HIVEP3: variants seen among roughly 807,000 people sequenced by gnomAD.
HIVEP3 encodes HIVEP zinc finger 3, also known as transcription factor HIVEP3.
Under a neutral mutation model 152.8 loss-of-function variants are expected in HIVEP3, and 49 were observed. That is an observed-to-expected ratio of 0.32 (90% confidence interval 0.26 to 0.41). The LOEUF (loss-of-function observed/expected upper bound fraction) is 0.41. Among genes scored for constraint, HIVEP3 ranks in the 10% least tolerant of loss-of-function variants. The probability of loss-of-function intolerance (pLI) is 1.00; values close to 1 mark genes in which losing one functional copy is unlikely to be tolerated. For missense variants in HIVEP3, 2,790 were observed against 3,103.3 expected (o/e 0.90, Z 2.40); for synonymous variants, 1,269 against 1,289.0 (o/e 0.98, Z 0.33).
At chr1:41,812,578 G>A (rs774258172) in intron 1 of HIVEP3, among the ~76,000 whole-genome samples, 3 of 152,122 alleles carry the variant, frequency 2.0e-5, no homozygotes, top group Non-Finnish European at 4.4e-5. Flanking sequence ...GGAATGACTG[G>A]GCCACATCTG....
In HIVEP3 at chr1:41,662,925, A is replaced by G. The variant is rs1169759190; in HGVS notation, c.-720-33978T>C. Among the ~76,000 whole-genome samples the G allele has an allele frequency of 1.3e-5, 2 of 149,928 alleles. No homozygotes were observed. The highest frequency in any genetic ancestry group is 3.0e-5 in the Non-Finnish European group (2 of 67,344). ...GGCTCCGGGAAGCCCGCGCCTCCCC[A>G]GGCGGGAATCCGCTTTAATGAGCTC... On this transcript the variant is annotated intron_variant, in intron 2 of 8. Transcript: ENST00000372583. The surrounding 1 kb of genome is among the most constrained non-coding windows in gnomAD (Gnocchi z 7.2).
chr1:41,509,840 A>C lies in HIVEP3; in HGVS notation c.*611T>G, dbSNP rs1338347237. 6.6e-6 allele frequency: 1 copy of C among 151,190 alleles called. No homozygotes were observed. The highest frequency in any genetic ancestry group is 1.5e-5 in the Non-Finnish European group (1 of 67,816). The allele number at this position is 151,190 out of a possible 1,614,324, so 9.4% of individuals were successfully genotyped here. On this transcript the variant is annotated 3_prime_UTR_variant, in exon 9 of 9. Transcript: ENST00000372583. ...TTTCTTGCAAAAAAAAAAAAAAAAA[A>C]AAAAAAGGAAAAGATTAGTTTTTCT...
intron 1 of HIVEP3, among the ~76,000 whole-genome samples, chr1:41,764,706 C>CA (rs1236399320): frequency 6.6e-6 from 1 of 152,188 alleles, no homozygotes; most frequent in Non-Finnish European, 1.5e-5. Context: ...GGCATCATGC[C>CA]AGGCACTGGG....
chr1:41,584,291 G>A lies in HIVEP3; in HGVS notation c.507C>T (p.Ser169=), dbSNP rs749579508. ...CTTCTGTGGGCTTCAAGGAGACCTGGGAAGGACGAGGCACGAAGACTTTGG... is the reference window on the plus strand; with the variant it reads ...CTTCTGTGGGCTTCAAGGAGACCTGAGAAGGACGAGGCACGAAGACTTTGG... ...GVPKVFVPRP[S]QVSLKPTEEA... The change falls in exon 4 of 9, where the codon TCC becomes TCT. Residue 169 remains serine (S), a synonymous_variant. Transcript: ENST00000372583. The surrounding 1 kb of genome is among the most constrained non-coding windows in gnomAD (Gnocchi z 5.2). 2 of 1,613,806 alleles carry A rather than the reference G, an allele frequency of 1.2e-6. No homozygotes were observed. Among genetic ancestry groups the A allele is most frequent in the South Asian group, 1.1e-5 (1 of 91,028 alleles).
intron 1 of HIVEP3, among the ~76,000 whole-genome samples, chr1:41,917,463 T>C (rs2124471712): frequency 6.6e-6 from 1 of 152,232 alleles, no homozygotes; most frequent in Non-Finnish European, 1.5e-5. Context: ...AGCGACCAGA[T>C]CTGCAGACCC....
In HIVEP3 at chr1:41,616,569, C is replaced by CTT. The variant is rs35360287; in HGVS notation, c.-522+12178_-522+12179dup. On this transcript the variant is annotated intron_variant, in intron 3 of 8. Transcript: ENST00000372583. The stretch of plus-strand genomic sequence containing the variant: ...TCACTGCCTGAGGCAATAGCAATTA[C>CTT]TTTTTTTTTTTTTTTCAAACAGGGT... Among the ~76,000 whole-genome samples, 689 of 127,698 alleles carry CTT rather than the reference C, an allele frequency of 5.4e-3. 9 individuals are homozygous for CTT. The highest frequency in any genetic ancestry group is 0.033 in the Middle Eastern group (8 of 244). The allele number at this position is 127,698 out of a possible 152,430, so 83.8% of individuals were successfully genotyped here. A position where few individuals can be genotyped will look rare whatever the true frequency, so the allele number is the denominator to read the frequency against.
At chr1:41,607,949 G>A (rs1644844964) in intron 3 of HIVEP3, among the ~76,000 whole-genome samples, 1 of 152,152 alleles carries the variant, frequency 6.6e-6, no homozygotes, top group Non-Finnish European at 1.5e-5. Context: ...TAAAGGGGAG[G>A]GCAGAGCTGG....
intron 3 of HIVEP3, among the ~76,000 whole-genome samples, chr1:41,617,650 T>A (rs1282922038): frequency 6.6e-6 from 1 of 152,206 alleles, no homozygotes; most frequent in Non-Finnish European, 1.5e-5. Flanking sequence ...ACAGGAGATA[T>A]CAACAGTGTT....
chr1:41,673,338 A>G (rs143124858), intron 2 of HIVEP3, among the ~76,000 whole-genome samples: 111 of 152,376 alleles, frequency 7.3e-4, no homozygotes, highest in African/African-American at 2.6e-3. Flanking sequence ...TAAGTACTTT[A>G]TAGAGAAGAT....
intron 1 of HIVEP3, among the ~76,000 whole-genome samples, chr1:41,706,327 T>C (rs550953399): frequency 3.9e-5 from 6 of 152,340 alleles, no homozygotes; most frequent in African/African-American, 1.4e-4. Context: ...TCTTGCTCTG[T>C]TGTTCAAGCT....
chr1:41,650,563 GTT>G (rs74511211), intron 2 of HIVEP3, among the ~76,000 whole-genome samples: 82,118 of 144,880 alleles, frequency 0.57, 23,101 homozygotes, highest in East Asian at 0.9. Context: ...TGTTTTCTGG[GTT>G]TTTTTTTTTT....
Position 41,580,098 on chromosome 1 carries a change from G to A in HIVEP3, c.4700C>T (p.Pro1567Leu), listed in dbSNP as rs1168406290. 2 of 1,614,248 alleles carry A rather than the reference G, an allele frequency of 1.2e-6. No individual in the cohort carries two copies. Among genetic ancestry groups the A allele is most frequent in the Admixed American group, 1.7e-5 (1 of 60,032 alleles). Reference protein sequence around the residue: ...KEQPDLPSLAPPSSLPLSETS... With the variant: ...KEQPDLPSLALPSSLPLSETS... Reference sequence around the variant, plus strand: ...TTCTGACAGAGGCAGAGAGCTCGGAGGTGCCAAGGAGGGGAGATCAGGTTG... The same window carrying A: ...TTCTGACAGAGGCAGAGAGCTCGGAAGTGCCAAGGAGGGGAGATCAGGTTG... Residue 1567 changes from proline (P) to leucine (L), a missense_variant, in exon 4 of 9, where the codon CCT (proline) becomes CTT (leucine). Pro to Leu is a moderately conservative substitution (Grantham distance 98). Around this residue, in one of 9 missense-constraint regions of HIVEP3, gnomAD observed 1,078 missense variants for 1,165.3 expected, o/e 0.93. Coordinates refer to ENST00000372583, the MANE Select transcript of HIVEP3 (RefSeq NM_024503.5).
intron 1 of HIVEP3, among the ~76,000 whole-genome samples, chr1:41,986,438 CTTTTTT>C (rs34078704): frequency 2.7e-5 from 3 of 112,490 alleles, no homozygotes; most frequent in African/African-American, 1.1e-4. Context: ...TTGAATAGGA[CTTTTTT>C]TTTTTTTTTT....
chr1:41,996,591 G>A (rs1012153817), intron 1 of HIVEP3, among the ~76,000 whole-genome samples: 4 of 152,140 alleles, frequency 2.6e-5, no homozygotes, highest in African/African-American at 7.2e-5. Context: ...ATTCCAAGAG[G>A]TAGCATCCTG....
chr1:41,608,755 G>A (rs868259128), intron 3 of HIVEP3, among the ~76,000 whole-genome samples: 4 of 152,126 alleles, frequency 2.6e-5, no homozygotes, highest in Admixed American at 6.6e-5. Flanking sequence ...GTTTTCTAAT[G>A]CTGTTATGAT....
chr1:41,838,861 GA>G (rs1392517583), intron 1 of HIVEP3, among the ~76,000 whole-genome samples: 1 of 152,146 alleles, frequency 6.6e-6, no homozygotes, highest in Non-Finnish European at 1.5e-5. Context: ...GTCAGTCTGC[GA>G]AACAACAATA....
intron 1 of HIVEP3, among the ~76,000 whole-genome samples, chr1:41,799,623 A>T (rs144472667): frequency 2.6e-5 from 4 of 152,152 alleles, no homozygotes; most frequent in African/African-American, 7.2e-5. Flanking sequence ...AGCTCCTATC[A>T]ATCCCATTAG....
chr1:41,823,469 C>T (rs923665439), intron 1 of HIVEP3, among the ~76,000 whole-genome samples: 5 of 152,224 alleles, frequency 3.3e-5, no homozygotes, highest in African/African-American at 1.2e-4. Context: ...CCAGTTCATC[C>T]AGCTCCAAAG....
At chr1:41,780,173 A>T (rs1648957355) in intron 1 of HIVEP3, among the ~76,000 whole-genome samples, 1 of 152,028 alleles carries the variant, frequency 6.6e-6, no homozygotes, top group South Asian at 2.1e-4. Flanking sequence ...TCAGGGTCTC[A>T]AAGTGGGGGC....
Sources: gnomAD v4.1 joint callset for allele counts (sites outside exome capture counted in the v4.1 genomes callset) on GRCh38, gnomAD v4.1.1 for gene constraint, gnomAD v4.1.1 regional missense constraint, Gnocchi (gnomAD v3.1) non-coding constraint, MANE v1.5 for transcripts, NCBI Gene and HGNC (gene_info 2026-07-23, HGNC 2026-07-21) for gene names.